C2orf15: variants seen among roughly 807,000 people sequenced by gnomAD.
C2orf15 encodes the protein chromosome 2 open reading frame 15, also known as uncharacterized protein C2orf15.
In C2orf15, 3 loss-of-function variants were observed where a neutral mutation model predicts 4.4. The ratio of observed to expected loss-of-function variants is 0.67; its 90% CI spans 0.31 to 1.74. The LOEUF is 1.74. Ranked by LOEUF, C2orf15 falls within the 40% of genes most tolerant of loss-of-function variation. The pLI is 0.09. For missense variants in C2orf15, 90 were observed against 103.3 expected (o/e 0.87, Z 0.56); for synonymous variants, 37 against 36.8 (o/e 1.00, Z -0.02).
At chr2:99,148,455 T>C (rs925596640) in intron 3 of C2orf15, 6 of 152,224 alleles carry the variant, frequency 3.9e-5, no homozygotes, top group African/African-American at 1.4e-4. Flanking sequence ...ATTTACCTAA[T>C]TGTTATATTA....
At chr2:99,146,589 G>C (rs1451050392) in intron 2 of C2orf15, among the ~76,000 whole-genome samples, 1 of 152,020 alleles carries the variant, frequency 6.6e-6, no homozygotes, top group Non-Finnish European at 1.5e-5. Context: ...TGCATTTACA[G>C]TTCTGCCATT....
At chr2:99,149,785 CTTTTTTTTTTT>C (rs70940143) in intron 3 of C2orf15, among the ~76,000 whole-genome samples, 4 of 112,456 alleles carry the variant, frequency 3.6e-5, no homozygotes, top group African/African-American at 7.5e-5. Flanking sequence ...TCACAAGTAT[CTTTTTTTTTTT>C]TTTTTTTTTT....
chr2:99,146,403 C>A (rs1285905755), intron 2 of C2orf15, among the ~76,000 whole-genome samples: 1 of 152,170 alleles, frequency 6.6e-6, no homozygotes, highest in African/African-American at 2.4e-5. Context: ...GCTTTGGACA[C>A]AGAAAATATC....
At chr2:99,147,535 C>T in intron 3 of C2orf15, 42 bp downstream of exon 3, 1 of 1,547,274 alleles carries the variant, frequency 6.5e-7, no homozygotes, top group Non-Finnish European at 8.9e-7. Context: ...ATACTTGGTT[C>T]CTCCTCAGTC....
At chr2:99,148,328 ATTCATC>A (rs1432786888) in intron 3 of C2orf15, 1 of 152,244 alleles carries the variant, frequency 6.6e-6, no homozygotes, top group Non-Finnish European at 1.5e-5. Context: ...AGGAAGAAAA[ATTCATC>A]TTCAAGTTCC....
chr2:99,150,883 G>C lies in C2orf15; in HGVS notation c.*49G>C, dbSNP rs1047188023. 3 of 1,242,774 alleles carry C rather than the reference G, an allele frequency of 2.4e-6. No homozygotes were observed. Among genetic ancestry groups the C allele is most frequent in the Non-Finnish European group, 3.4e-6 (3 of 883,514 alleles). The allele number at this position is 1,242,774 out of a possible 1,614,324, so 77.0% of individuals were successfully genotyped here. A position where few individuals can be genotyped will look rare whatever the true frequency, so the allele number is the denominator to read the frequency against. On this transcript the variant is annotated 3_prime_UTR_variant, in exon 4 of 4. Coordinates refer to ENST00000650052, the MANE Select transcript of C2orf15 (RefSeq NM_144706.4). Reference sequence around the variant, plus strand: ...GAAACCAAAAACTGCCTTTGACTAAGGGGGGTGTTGAAAGAGAACTTAACC... The same window carrying C: ...GAAACCAAAAACTGCCTTTGACTAACGGGGGTGTTGAAAGAGAACTTAACC...
intron 3 of C2orf15, among the ~76,000 whole-genome samples, chr2:99,149,545 C>A (rs2093668740): frequency 6.7e-6 from 1 of 150,332 alleles, no homozygotes; most frequent in Admixed American, 6.7e-5. Context: ...CGGGTTCACA[C>A]CATTCTTCTG....
At chr2:99,148,470 TTGAG>T (rs780838528) in intron 3 of C2orf15, 1 of 152,196 alleles carries the variant, frequency 6.6e-6, no homozygotes, top group African/African-American at 2.4e-5. Flanking sequence ...ATATTAATAT[TTGAG>T]TAAGTACTAT....
Position 99,151,060 on chromosome 2 carries a change from T to C in C2orf15, c.*226T>C, listed in dbSNP as rs1466621074. ...TTCCAAGATTCAAAGCAGATTTCTC[T>C]GGTATTATATTATATCCTTCTTAAA... On this transcript the variant is annotated 3_prime_UTR_variant, in exon 4 of 4. Coordinates refer to ENST00000650052, the MANE Select transcript of C2orf15 (RefSeq NM_144706.4). The C allele has an allele frequency of 2.5e-6, 1 of 399,694 alleles. No homozygotes were observed. The highest frequency in any genetic ancestry group is 4.5e-6 in the Non-Finnish European group (1 of 222,936). The allele number at this position is 399,694 out of a possible 1,614,324, so 24.8% of individuals were successfully genotyped here.
Position 99,150,729 on chromosome 2 carries a change from T to A in C2orf15, c.171T>A (p.Phe57Leu), listed in dbSNP as rs368624669. The change falls in exon 4 of 4, where the codon TTT (phenylalanine) becomes TTA (leucine). Residue 57 changes from phenylalanine (F) to leucine (L), a missense_variant. Transcript: ENST00000650052. ...IRLEDTNQENFTRIEGTGTGS... is the reference protein window; with the variant it reads ...IRLEDTNQENLTRIEGTGTGS... ...TAGAAGACACAAATCAAGAAAACTTTACAAGGATTGAAGGGACTGGCACAG... is the reference window on the plus strand; with the variant it reads ...TAGAAGACACAAATCAAGAAAACTTAACAAGGATTGAAGGGACTGGCACAG... The A allele has an allele frequency of 1.2e-6, 2 of 1,614,062 alleles. No individual in the cohort carries two copies. The highest frequency in any genetic ancestry group is 1.7e-6 in the Non-Finnish European group (2 of 1,179,972).
At chr2:99,143,335 AT>A (rs934861674) in intron 2 of C2orf15, among the ~76,000 whole-genome samples, 10 of 149,006 alleles carry the variant, frequency 6.7e-5, no homozygotes, top group Non-Finnish European at 1.5e-4. Context: ...TGTTTTTTGT[AT>A]TTTTAGTAGA....
chr2:99,150,586 AC>A lies in C2orf15; in HGVS notation c.29del (p.Thr10IlefsTer16), dbSNP rs753225943. 4 of 1,613,442 alleles carry A rather than the reference AC, an allele frequency of 2.5e-6. No homozygotes were observed. In the Admixed American group the frequency reaches 5.0e-5, roughly 20 times the overall value. On this transcript the variant is annotated frameshift_variant, in exon 4 of 4. Transcript: ENST00000650052. LOFTEE classifies it high-confidence loss of function. MGFSLSKSA[T>X]QVSAIHMDSK... ...GGGATTTTCACTTAGTAAATCTGCT[AC>A]TCAGGTATCTGCTATACATATGGAT...
At chr2:99,149,970 T>A (rs1330124469) in intron 3 of C2orf15, among the ~76,000 whole-genome samples, 1 of 151,882 alleles carries the variant, frequency 6.6e-6, no homozygotes, top group Non-Finnish European at 1.5e-5. Flanking sequence ...TTTTTGTATT[T>A]TTAGCAGAGA....
intron 2 of C2orf15, among the ~76,000 whole-genome samples, chr2:99,143,504 C>T (rs2093599929): frequency 6.7e-6 from 1 of 148,346 alleles, no homozygotes; most frequent in African/African-American, 2.5e-5. Context: ...CACTCTGTTG[C>T]CCTGTACCCA....
chr2:99,143,125 A>T (rs1416072822), intron 2 of C2orf15, among the ~76,000 whole-genome samples: 1 of 144,738 alleles, frequency 6.9e-6, no homozygotes, highest in Non-Finnish European at 1.5e-5. Flanking sequence ...ACCCTGCCCC[A>T]ACTAAACCTT....
At chr2:99,143,007 A>T (rs533456102) in intron 2 of C2orf15, among the ~76,000 whole-genome samples, 1 of 152,202 alleles carries the variant, frequency 6.6e-6, no homozygotes, top group Admixed American at 6.5e-5. Flanking sequence ...AAGAGGGTGA[A>T]AAGATTTTCC....
intron 3 of C2orf15, among the ~76,000 whole-genome samples, 173 bp from the exon 4 acceptor site, chr2:99,150,310 A>G (rs1001272569): frequency 6.6e-6 from 1 of 152,234 alleles, no homozygotes; most frequent in African/African-American, 2.4e-5. Flanking sequence ...ACTTTCAAAT[A>G]AATCTTTAGA....
intron 1 of C2orf15, 104 bp from the exon 2 acceptor site, chr2:99,142,181 G>T (rs1361400983): frequency 6.6e-6 from 1 of 152,202 alleles, no homozygotes; most frequent in Non-Finnish European, 1.5e-5. Flanking sequence ...CAGAATGGGG[G>T]GGAAAAAAGT....
At chr2:99,148,235 T>G (rs756789384) in intron 3 of C2orf15, 1 of 152,230 alleles carries the variant, frequency 6.6e-6, no homozygotes, top group African/African-American at 2.4e-5. Context: ...GACAGGAGTA[T>G]TTCCTTTCTA....
Sources: allele counts gnomAD v4.1 joint callset (sites outside exome capture counted in the v4.1 genomes callset), GRCh38; gene constraint gnomAD v4.1.1; transcripts MANE v1.5; gene names NCBI Gene and HGNC (gene_info 2026-07-23, HGNC 2026-07-21).